The following LMNTD1 variants were observed in gnomAD, a reference collection of about 807,000 sequenced individuals.
LMNTD1 encodes the protein lamin tail domain containing 1.
LMNTD1 carries 35 observed loss-of-function variants against 50.9 expected under a neutral mutation model. The ratio of observed to expected loss-of-function variants is 0.69; its 90% confidence interval spans 0.53 to 0.91. LMNTD1 has a LOEUF of 0.91. LMNTD1 is among the 40% of genes least tolerant of loss of function. The probability of loss-of-function intolerance (pLI) is 0.00; values close to 1 mark genes in which losing one functional copy is unlikely to be tolerated. For synonymous variants in LMNTD1, 153 were observed against 161.9 expected (o/e 0.94, Z 0.42); for missense variants, 470 against 475.5 (o/e 0.99, Z 0.11).
chr12:25,599,725 C>A (rs1023216552), intron 1 of LMNTD1, among the ~76,000 whole-genome samples: 1 of 151,598 alleles, frequency 6.6e-6, no homozygotes, highest in Non-Finnish European at 1.5e-5. Flanking sequence ...GATTAAATAC[C>A]TAGACATTAA....
At chr12:25,498,527 T>TA (rs1342860241) in intron 9 of LMNTD1, among the ~76,000 whole-genome samples, 2 of 152,188 alleles carry the variant, frequency 1.3e-5, no homozygotes, top group Non-Finnish European at 2.9e-5. Context: ...TCCTGACACA[T>TA]ATGCTTTTGG....
chr12:25,487,677 A>G lies in LMNTD1; in HGVS notation c.*23-11217T>C, dbSNP rs1040988629. ...TATGTGTGAATTTGATCCTGTCATT[A>G]TGATGTTAGCTGGTGATTTTGCTTG... On this transcript the variant is annotated intron_variant, in intron 9 of 9. Coordinates refer to ENST00000458174, the MANE Select transcript of LMNTD1 (RefSeq NM_001145728.2). 2.0e-4 allele frequency among the ~76,000 whole-genome samples: 26 copies of G among 128,984 alleles called. 2 individuals are homozygous for G. The highest frequency in any genetic ancestry group is 5.7e-4 in the African/African-American group (19 of 33,478). 84.6% of individuals were successfully genotyped at this position (128,984 alleles called of 152,430 possible). A position where few individuals can be genotyped will look rare whatever the true frequency, so the allele number is the denominator to read the frequency against.
intron 1 of LMNTD1, among the ~76,000 whole-genome samples, chr12:25,607,311 GT>G (rs772597785): frequency 2.0e-5 from 3 of 151,872 alleles, no homozygotes; most frequent in African/African-American, 4.8e-5. Context: ...TTTTTGAAGG[GT>G]TTTTTTGTGT....
chr12:25,648,489 C>A (rs1372621216), intron 1 of LMNTD1: 1 of 1,551,116 alleles, frequency 6.4e-7, no homozygotes, highest in South Asian at 1.2e-5. Flanking sequence ...TCATTTCTCA[C>A]TTACTGTGGT....
intron 4 of LMNTD1, among the ~76,000 whole-genome samples, chr12:25,527,245 T>C (rs963977896): frequency 6.6e-5 from 10 of 152,082 alleles, no homozygotes; most frequent in Admixed American, 4.6e-4. Flanking sequence ...AGAATTATAA[T>C]AGTTTAAATT....
chr12:25,581,467 A>G (rs1246957657), intron 1 of LMNTD1, among the ~76,000 whole-genome samples: 1 of 152,202 alleles, frequency 6.6e-6, no homozygotes, highest in Non-Finnish European at 1.5e-5. Flanking sequence ...AGGCGATTCT[A>G]AGACAAGAAA....
At position 25,515,025 on chromosome 12, in the gene LMNTD1, G is replaced by A. The variant is rs1021787069; in HGVS notation, c.1189+3770C>T. ...AAATCTAATAAAGTTGAAGATACAGGTACCATACAACTGAATAAGTACATG... is the reference window on the plus strand; with the variant it reads ...AAATCTAATAAAGTTGAAGATACAGATACCATACAACTGAATAAGTACATG... On this transcript the variant is annotated intron_variant, in intron 8 of 9. Coordinates refer to ENST00000458174, the MANE Select transcript of LMNTD1 (RefSeq NM_001145728.2). Among the ~76,000 whole-genome samples the A allele has an allele frequency of 2.6e-5, 4 of 151,964 alleles. No individual in the cohort carries two copies. In the South Asian group the frequency reaches 6.2e-4, roughly 24 times the overall value.
intron 9 of LMNTD1, among the ~76,000 whole-genome samples, chr12:25,496,619 G>A (rs183626872): frequency 1.5e-4 from 23 of 152,284 alleles, no homozygotes; most frequent in East Asian, 5.8e-4. Flanking sequence ...GAAAGTATAC[G>A]TAAAGTTGTT....
intron 4 of LMNTD1, among the ~76,000 whole-genome samples, chr12:25,527,210 A>G (rs7967820): frequency 0.016 from 2,484 of 152,174 alleles, 68 homozygotes; most frequent in African/African-American, 0.057. Context: ...TTTAGGTGTC[A>G]AGGTATAAAA....
At chr12:25,493,161 C>G (rs1249993779) in intron 9 of LMNTD1, among the ~76,000 whole-genome samples, 2 of 152,182 alleles carry the variant, frequency 1.3e-5, no homozygotes, top group African/African-American at 4.8e-5. Context: ...TTACAAGTAT[C>G]TTTCCCACTG....
intron 1 of LMNTD1, among the ~76,000 whole-genome samples, chr12:25,579,477 T>C (rs1945182773): frequency 6.6e-6 from 1 of 152,034 alleles, no homozygotes. Context: ...CTGGAACCAA[T>C]CCCCCATGGA....
chr12:25,600,509 A>G (rs1402399267), intron 1 of LMNTD1, among the ~76,000 whole-genome samples: 2 of 152,066 alleles, frequency 1.3e-5, no homozygotes, highest in Admixed American at 6.6e-5. Context: ...AAGTGAAGAG[A>G]CAGCTCACAG....
intron 1 of LMNTD1, among the ~76,000 whole-genome samples, chr12:25,592,213 G>A (rs974582861): frequency 6.6e-6 from 1 of 152,174 alleles, no homozygotes; most frequent in Admixed American, 6.5e-5. Flanking sequence ...TGGTGGACAG[G>A]AGGCAGAACT....
At chr12:25,520,706 G>C (rs1941255310) in intron 6 of LMNTD1, among the ~76,000 whole-genome samples, 1 of 152,072 alleles carries the variant, frequency 6.6e-6, no homozygotes, top group Admixed American at 6.5e-5. Context: ...CATCTTTTTT[G>C]GGTATGTACC....
intron 9 of LMNTD1, among the ~76,000 whole-genome samples, chr12:25,488,178 CT>C (rs1409632803): frequency 7.2e-4 from 99 of 138,330 alleles, no homozygotes; most frequent in Admixed American, 8.9e-4. Context: ...GAACGTTGGC[CT>C]GCCTTGCTAG....
intron 4 of LMNTD1, among the ~76,000 whole-genome samples, chr12:25,534,741 A>T (rs1285995100): frequency 6.6e-6 from 1 of 152,224 alleles, no homozygotes; most frequent in East Asian, 1.9e-4. Context: ...AGCCAGACTG[A>T]AAAAGCTCAT....
At chr12:25,544,233 A>G (rs1943283516) in intron 4 of LMNTD1, among the ~76,000 whole-genome samples, 1 of 151,868 alleles carries the variant, frequency 6.6e-6, no homozygotes, top group Admixed American at 6.6e-5. Context: ...TTTGCTTTAT[A>G]TACTTGGGAG....
At chr12:25,560,862 T>C (rs752349203) in intron 1 of LMNTD1, among the ~76,000 whole-genome samples, 3 of 152,224 alleles carry the variant, frequency 2.0e-5, no homozygotes, top group Non-Finnish European at 4.4e-5. Context: ...GGAATGCTTG[T>C]GATTTCTGCA....
chr12:25,520,139 GATAT>G lies in LMNTD1; in HGVS notation c.799-68_799-65del, dbSNP rs1394594290. ...TGAGGTTTACAACATGCTGTTATGA[GATAT>G]ACATATATATATATATATATATATA... is the stretch of plus-strand genomic sequence containing the variant. On this transcript the variant is annotated intron_variant, in intron 6 of 9. Transcript: ENST00000458174. 85 of 152,426 alleles carry G rather than the reference GATAT, an allele frequency of 5.6e-4. 1 individual carries two copies. Among genetic ancestry groups the G allele is most frequent in the Non-Finnish European group, 1.0e-3 (77 of 75,824 alleles). The allele number at this position is 152,426 out of a possible 1,614,324, so 9.4% of individuals were successfully genotyped here. A position where few individuals can be genotyped will look rare whatever the true frequency, so the allele number is the denominator to read the frequency against.
Sources: gnomAD v4.1 joint callset for allele counts (sites outside exome capture counted in the v4.1 genomes callset) on GRCh38, gnomAD v4.1.1 for gene constraint, MANE v1.5 for transcripts, NCBI Gene and HGNC (gene_info 2026-07-23, HGNC 2026-07-21) for gene names.